The following ELOVL7 variants were observed in gnomAD, a reference collection of about 807,000 sequenced individuals.
The protein encoded by ELOVL7 is ELOVL fatty acid elongase 7.
A neutral mutation model predicts 35.7 loss-of-function variants in ELOVL7; 27 were observed. The ratio of observed to expected loss-of-function variants is 0.76; its 90% CI spans 0.56 to 1.04. The LOEUF is 1.04. ELOVL7 is among the 50% of genes least tolerant of loss of function. The pLI is 0.00. For synonymous variants in ELOVL7, 113 were observed against 114.6 expected, an observed-to-expected ratio of 0.99 and a Z score of 0.09; for missense variants, 327 against 340.8, an observed-to-expected ratio of 0.96 and a Z score of 0.32.
chr5:60,794,847 G>T (rs527461698), intron 2 of ELOVL7, among the ~76,000 whole-genome samples: 1 of 152,258 alleles, frequency 6.6e-6, no homozygotes, highest in East Asian at 1.9e-4. Context: ...TGAACTGCAG[G>T]AAGGTACCAA....
At chr5:60,831,399 C>T (rs986004709) in intron 1 of ELOVL7, among the ~76,000 whole-genome samples, 2 of 152,130 alleles carry the variant, frequency 1.3e-5, no homozygotes, top group African/African-American at 4.8e-5. Flanking sequence ...TATAGGCCAC[C>T]TCCCCAGAGA....
intron 1 of ELOVL7, among the ~76,000 whole-genome samples, chr5:60,837,320 G>GGGGGGGGGGGGGGGGGGGGGGC (rs1746874707): frequency 8.0e-6 from 1 of 124,434 alleles, no homozygotes; most frequent in Non-Finnish European, 1.7e-5. Context: ...GGGGGTGGGG[G>GGGGGGGGGGGGGGGGGGGGGGC]GGGAGTGGGG....
intron 8 of ELOVL7, among the ~76,000 whole-genome samples, chr5:60,756,122 T>C (rs1741525605): frequency 7.1e-6 from 1 of 141,588 alleles, no homozygotes; most frequent in African/African-American, 3.1e-5. Flanking sequence ...TGTGTATGTT[T>C]GTGTATAATA....
chr5:60,763,464 A>G (rs1200957339), intron 7 of ELOVL7, among the ~76,000 whole-genome samples: 10 of 152,244 alleles, frequency 6.6e-5, no homozygotes, highest in Admixed American at 6.5e-4. Flanking sequence ...GTTATCAGCT[A>G]TAGGTCTATT....
chr5:60,843,336 G>GGGGAAAGCCCATTTCCCAACGAACCT (rs576460639), intron 1 of ELOVL7: 21 of 150,878 alleles, frequency 1.4e-4, no homozygotes, highest in South Asian at 4.3e-4. Context: ...TGACTTGAAG[G>GGGGAAAGCCCATTTCCCAACGAACCT]GGGAAAGCCC....
chr5:60,799,401 G>T (rs1013601580), intron 1 of ELOVL7, among the ~76,000 whole-genome samples, 171 bp from the exon 2 acceptor site: 2 of 152,018 alleles, frequency 1.3e-5, no homozygotes, highest in African/African-American at 2.4e-5. Flanking sequence ...CTAAGAGCTG[G>T]TTATCTAAAA....
At chr5:60,767,070 C>T (rs1275287191) in intron 5 of ELOVL7, among the ~76,000 whole-genome samples, 1 of 152,156 alleles carries the variant, frequency 6.6e-6, no homozygotes, top group African/African-American at 2.4e-5. Flanking sequence ...CCATTCTATA[C>T]ATATGCCACA....
chr5:60,802,097 TATATATATATATATATATATAC>T lies in ELOVL7; in HGVS notation c.-85-2889_-85-2868del, dbSNP rs1227610174. Among the ~76,000 whole-genome samples, 17 of 14,846 alleles carry T rather than the reference TATATATATATATATATATATAC, an allele frequency of 1.1e-3. 1 individual carries two copies. The highest frequency in any genetic ancestry group is 3.4e-3 in the African/African-American group (6 of 1,754). The allele number at this position is 14,846 out of a possible 152,430, so 9.7% of individuals were successfully genotyped here. On this transcript the variant is annotated intron_variant, in intron 1 of 8. Transcript: ENST00000508821. ...ATATATATATATATATATATATATATATATATATATATATATATATACACACACACACACACACATATATCCT... is the reference window on the plus strand; with the variant it reads ...ATATATATATATATATATATATATATACACACACACACACACATATATCCT...
At chr5:60,826,258 C>T (rs1265380239) in intron 1 of ELOVL7, among the ~76,000 whole-genome samples, 2 of 152,142 alleles carry the variant, frequency 1.3e-5, no homozygotes, top group Non-Finnish European at 2.9e-5. Context: ...TTCATTTATC[C>T]AGCCTCATCT....
intron 1 of ELOVL7, among the ~76,000 whole-genome samples, chr5:60,812,616 A>G (rs1263301091): frequency 1.3e-5 from 2 of 152,224 alleles, no homozygotes; most frequent in East Asian, 1.9e-4. Context: ...GGTATTCCTC[A>G]TGGAAGGTGT....
chr5:60,837,257 AC>A (rs1373531052), intron 1 of ELOVL7, among the ~76,000 whole-genome samples: 2 of 141,202 alleles, frequency 1.4e-5, no homozygotes, highest in African/African-American at 2.6e-5. Flanking sequence ...CCACGGTGAA[AC>A]CCCGTCTCTA....
At chr5:60,813,766 G>T (rs146191526) in intron 1 of ELOVL7, among the ~76,000 whole-genome samples, 1 of 152,072 alleles carries the variant, frequency 6.6e-6, no homozygotes, top group Admixed American at 6.5e-5. Flanking sequence ...AGATAAACTC[G>T]ACAGGTAGAT....
At chr5:60,794,066 T>G (rs1185707488) in intron 2 of ELOVL7, among the ~76,000 whole-genome samples, 1 of 151,990 alleles carries the variant, frequency 6.6e-6, no homozygotes, top group Non-Finnish European at 1.5e-5. Flanking sequence ...GCCTGAAAAA[T>G]GTATGGCAGG....
chr5:60,831,129 C>T (rs977736821), intron 1 of ELOVL7, among the ~76,000 whole-genome samples: 1 of 152,152 alleles, frequency 6.6e-6, no homozygotes, highest in Admixed American at 6.6e-5. Flanking sequence ...TCCTAGACAA[C>T]TAGGACAACA....
intron 7 of ELOVL7, among the ~76,000 whole-genome samples, chr5:60,763,646 G>A (rs1428247683): frequency 1.3e-5 from 2 of 152,056 alleles, no homozygotes; most frequent in Admixed American, 6.6e-5. Context: ...AAAAAGAAAC[G>A]ACCTGTTTTC....
intron 8 of ELOVL7, among the ~76,000 whole-genome samples, chr5:60,756,934 C>A (rs531492507): frequency 6.6e-6 from 1 of 152,206 alleles, no homozygotes; most frequent in Non-Finnish European, 1.5e-5. Flanking sequence ...AGAATTAATG[C>A]TTAGAATGCA....
chr5:60,801,018 C>T (rs1262349324), intron 1 of ELOVL7, among the ~76,000 whole-genome samples: 1 of 152,168 alleles, frequency 6.6e-6, no homozygotes, highest in Admixed American at 6.5e-5. Context: ...GCCTTGATCT[C>T]CTGGGCTAAG....
chr5:60,813,748 G>A (rs1376359245), intron 1 of ELOVL7, among the ~76,000 whole-genome samples: 1 of 152,106 alleles, frequency 6.6e-6, no homozygotes, highest in Non-Finnish European at 1.5e-5. Flanking sequence ...GCAAAGAGGG[G>A]AAGCAGGAGA....
chr5:60,777,387 A>C (rs935138791), intron 3 of ELOVL7, among the ~76,000 whole-genome samples: 1 of 152,060 alleles, frequency 6.6e-6, no homozygotes, highest in Non-Finnish European at 1.5e-5. Flanking sequence ...AAAATTAAAA[A>C]AAAAATTTTT....
Sources: gnomAD v4.1 joint callset for allele counts (sites outside exome capture counted in the v4.1 genomes callset) on GRCh38, gnomAD v4.1.1 for gene constraint, MANE v1.5 for transcripts, NCBI Gene and HGNC (gene_info 2026-07-23, HGNC 2026-07-21) for gene names.